Variants in MEGF10 observed in about 807,000 individuals in gnomAD.
MEGF10 encodes multiple epidermal growth factor-like domains protein 10.
MEGF10 carries 86 observed loss-of-function variants against 147.5 expected under a neutral mutation model. The observed-to-expected ratio is 0.58, with a 90% confidence interval of 0.49 to 0.70. The LOEUF (loss-of-function observed/expected upper bound fraction) is 0.70. MEGF10 is among the 30% of genes least tolerant of loss of function. The pLI is 0.00. For missense variants in MEGF10, 1,329 were observed against 1,487.3 expected, an observed-to-expected ratio of 0.89 and a Z score of 1.75; for synonymous variants, 478 against 525.5, an observed-to-expected ratio of 0.91 and a Z score of 1.24.
intron 1 of MEGF10, among the ~76,000 whole-genome samples, chr5:127,316,418 A>G (rs1394145059): frequency 1.3e-5 from 2 of 152,210 alleles, no homozygotes; most frequent in Non-Finnish European, 2.9e-5. Flanking sequence ...TAAGCCATTG[A>G]AAGTGCCCAT....
the MEGF10 span, among the ~76,000 whole-genome samples, chr5:127,234,505 GAGA>G: frequency 6.6e-6 from 1 of 152,178 alleles, no homozygotes; most frequent in Non-Finnish European, 1.5e-5. Flanking sequence ...TGCCTCCTGG[GAGA>G]GCAAACCAAA....
At chr5:127,273,690 C>T in the MEGF10 span, among the ~76,000 whole-genome samples, 1 of 152,154 alleles carries the variant, frequency 6.6e-6, no homozygotes, top group Non-Finnish European at 1.5e-5. Context: ...TTGAAAAGGT[C>T]TTAATTACAT....
chr5:127,381,679 GTTT>G (rs1763270915), intron 5 of MEGF10, among the ~76,000 whole-genome samples: 1 of 152,024 alleles, frequency 6.6e-6, no homozygotes, highest in Admixed American at 6.5e-5. Context: ...TTTTGTTTTT[GTTT>G]TTCTCGAGAC....
intron 2 of MEGF10, among the ~76,000 whole-genome samples, chr5:127,337,257 T>G (rs1761505060): frequency 6.6e-6 from 1 of 152,086 alleles, no homozygotes; most frequent in Admixed American, 6.6e-5. Flanking sequence ...GGAAGATTGC[T>G]TCAACATTTC....
At chr5:127,454,459 G>T in intron 22 of MEGF10, 107 bp from the exon 23 acceptor site, 1 of 883,922 alleles carries the variant, frequency 1.1e-6, no homozygotes, top group Non-Finnish European at 1.8e-6. Context: ...GCAGCAGCCT[G>T]GTTGTTTGCT....
In MEGF10 at chr5:127,443,087, TA is replaced by T; in HGVS notation, c.2453del (p.Tyr818SerfsTer18). The T allele has an allele frequency of 6.2e-7, 1 of 1,613,788 alleles. No individual in the cohort carries two copies. ...STCDHITGTC[Y>X]CSPGWKGARC... ...CTGCGACCACATCACTGGGACCTGT[TA>T]CTGCAGCCCCGGATGGAAGGGAGCG... On this transcript the variant is annotated frameshift_variant, in exon 19 of 25. Coordinates refer to ENST00000503335, the MANE Select transcript of MEGF10 (RefSeq NM_001256545.2). LOFTEE classifies it high-confidence loss of function.
chr5:127,416,480 C>G (rs151033133), intron 9 of MEGF10, among the ~76,000 whole-genome samples: 1 of 152,312 alleles, frequency 6.6e-6, no homozygotes, highest in East Asian at 1.9e-4. Context: ...TCCTGTGAAT[C>G]TAAACCTACA....
chr5:127,346,859 T>C (rs1761913731), intron 4 of MEGF10, among the ~76,000 whole-genome samples: 1 of 152,148 alleles, frequency 6.6e-6, no homozygotes, highest in Non-Finnish European at 1.5e-5. Context: ...TTTTTGAGTT[T>C]AGGAATATTT....
intron 11 of MEGF10, 52 bp from the exon 12 acceptor site, chr5:127,419,992 G>A (rs1764929679): frequency 6.3e-7 from 1 of 1,590,790 alleles, no homozygotes; most frequent in Admixed American, 1.7e-5. Context: ...GGCTCAACAA[G>A]GCTCTCTGCT....
In MEGF10 at chr5:127,416,942, A is replaced by G. The variant is rs1764799948; in HGVS notation, c.1131-696A>G. ...GTTTGTTTTTGGCCCTAGTTAAGGG[A>G]GGGTTTTAGCTCCATCAGGCAAGGA... On this transcript the variant is annotated intron_variant, in intron 9 of 24. Coordinates refer to ENST00000503335, the MANE Select transcript of MEGF10 (RefSeq NM_001256545.2). Among the ~76,000 whole-genome samples, 3 of 152,160 alleles carry G rather than the reference A, an allele frequency of 2.0e-5. No homozygotes were observed. In the South Asian group the frequency reaches 6.2e-4, roughly 32 times the overall value.
At chr5:127,297,700 A>T (rs551946680) in intron 1 of MEGF10, among the ~76,000 whole-genome samples, 26 of 152,334 alleles carry the variant, frequency 1.7e-4, no homozygotes, top group East Asian at 1.9e-4. Context: ...ATAATTTTAT[A>T]ATAGGCACTT....
intron 19 of MEGF10, 39 bp from the exon 20 acceptor site, chr5:127,445,417 CA>C: frequency 6.7e-7 from 1 of 1,490,026 alleles, no homozygotes; most frequent in Non-Finnish European, 9.4e-7. Flanking sequence ...GTTTATCCAG[CA>C]CATTGTCATC....
At chr5:127,361,388 A>G (rs1705204444) in intron 4 of MEGF10, among the ~76,000 whole-genome samples, 1 of 151,962 alleles carries the variant, frequency 6.6e-6, no homozygotes, top group Non-Finnish European at 1.5e-5. Flanking sequence ...CATTTCTAAT[A>G]CCAGTAATTT....
At position 127,350,668 on chromosome 5, in the gene MEGF10, A is replaced by AT. The variant is rs1226935895; in HGVS notation, c.319+10038_319+10039insT. 5.9e-5 allele frequency among the ~76,000 whole-genome samples: 9 copies of AT among 152,112 alleles called. No individual in the cohort carries two copies. In the South Asian group the frequency reaches 1.7e-3, roughly 28 times the overall value. On this transcript the variant is annotated intron_variant, in intron 4 of 24. Transcript: ENST00000503335. ...TACAAACTGTGGAAGGAAGGGAAAGACCCCTGGGCCCTTCCCTTCTCAACT... is the reference window on the plus strand; with the variant it reads ...TACAAACTGTGGAAGGAAGGGAAAGATCCCCTGGGCCCTTCCCTTCTCAACT...
chr5:127,401,931 C>G (rs1764150087), intron 7 of MEGF10, among the ~76,000 whole-genome samples: 1 of 152,196 alleles, frequency 6.6e-6, no homozygotes. Flanking sequence ...CTTGTTGAAT[C>G]TGCTGAAAAT....
chr5:127,374,425 G>A (rs184787014), intron 5 of MEGF10, among the ~76,000 whole-genome samples: 2 of 152,266 alleles, frequency 1.3e-5, no homozygotes, highest in East Asian at 3.9e-4. Context: ...AGAGCTGAAA[G>A]GCAATAAACT....
At chr5:127,344,252 C>T (rs1295524002) in intron 4 of MEGF10, among the ~76,000 whole-genome samples, 1 of 152,008 alleles carries the variant, frequency 6.6e-6, no homozygotes, top group African/African-American at 2.4e-5. Flanking sequence ...GTCTAAGTAT[C>T]TTTTTTAATG....
At chr5:127,293,366 G>C (rs750010994) in intron 1 of MEGF10, among the ~76,000 whole-genome samples, 6 of 152,200 alleles carry the variant, frequency 3.9e-5, no homozygotes, top group Non-Finnish European at 5.9e-5. Flanking sequence ...GTTTATACCA[G>C]AAGCATGAAG....
At chr5:127,239,403 A>C in the MEGF10 span, among the ~76,000 whole-genome samples, 259 of 146,300 alleles carry the variant, frequency 1.8e-3, 2 homozygotes, top group African/African-American at 6.4e-3. Flanking sequence ...ACACACACAC[A>C]CACACACACA....
Sources: gnomAD v4.1 joint callset for allele counts (sites outside exome capture counted in the v4.1 genomes callset) on GRCh38, gnomAD v4.1.1 for gene constraint, MANE v1.5 for transcripts, NCBI Gene and HGNC (gene_info 2026-07-23, HGNC 2026-07-21) for gene names.